Variants in MYRIP observed in about 807,000 individuals in gnomAD.
The protein encoded by MYRIP is myosin VIIA and Rab interacting protein.
Under a neutral mutation model 98.0 loss-of-function variants are expected in MYRIP, and 49 were observed. The observed-to-expected ratio is 0.50, with a 90% CI of 0.40 to 0.63. The LOEUF is 0.63. Ranked by LOEUF, MYRIP falls within the 30% of genes least tolerant of loss-of-function variation. MYRIP has a pLI of 0.00. For missense variants in MYRIP, 1,004 were observed against 1,058.2 expected, an observed-to-expected ratio of 0.95 and a Z score of 0.71; for synonymous variants, 404 against 409.5, an observed-to-expected ratio of 0.99 and a Z score of 0.16.
At chr3:39,849,500 G>A (rs1942063322) in intron 1 of MYRIP, among the ~76,000 whole-genome samples, 1 of 152,314 alleles carries the variant, frequency 6.6e-6, no homozygotes, top group East Asian at 1.9e-4. Flanking sequence ...GGGAGACAGA[G>A]GTCCAGCCTT....
intron 1 of MYRIP, among the ~76,000 whole-genome samples, chr3:39,855,921 C>A (rs1942275268): frequency 6.6e-6 from 1 of 152,206 alleles, no homozygotes; most frequent in African/African-American, 2.4e-5. Flanking sequence ...ATTCTGCTGG[C>A]TGCCTTCTTG....
At chr3:40,216,208 G>T (rs1338583072) in intron 11 of MYRIP, among the ~76,000 whole-genome samples, 1 of 152,210 alleles carries the variant, frequency 6.6e-6, no homozygotes, top group Non-Finnish European at 1.5e-5. Context: ...AGCCACAGCA[G>T]TAGAATGAGA....
At chr3:40,177,982 A>G (rs1175295229) in intron 8 of MYRIP, among the ~76,000 whole-genome samples, 2 of 152,048 alleles carry the variant, frequency 1.3e-5, no homozygotes, top group African/African-American at 4.8e-5. Flanking sequence ...ACTTTTTGTC[A>G]TTGCTATAAT....
intron 3 of MYRIP, among the ~76,000 whole-genome samples, chr3:40,143,243 T>G (rs144591600): frequency 2.0e-5 from 3 of 152,206 alleles, no homozygotes; most frequent in Non-Finnish European, 4.4e-5. Flanking sequence ...AATGAGTCCA[T>G]GCACAGACGC....
At chr3:40,156,583 C>A (rs1204511808) in intron 4 of MYRIP, among the ~76,000 whole-genome samples, 3 of 151,914 alleles carry the variant, frequency 2.0e-5, no homozygotes, top group Admixed American at 6.6e-5. Flanking sequence ...TTACCTTGGG[C>A]AGTATGGCCA....
intron 12 of MYRIP, among the ~76,000 whole-genome samples, chr3:40,243,979 CAGAG>C (rs1953105933): frequency 6.6e-6 from 1 of 152,146 alleles, no homozygotes; most frequent in Admixed American, 6.5e-5. Flanking sequence ...GCTAATTAAT[CAGAG>C]AGAATTCACT....
intron 1 of MYRIP, among the ~76,000 whole-genome samples, chr3:39,889,990 T>A (rs1050240442): frequency 2.6e-5 from 4 of 152,116 alleles, no homozygotes; most frequent in African/African-American, 9.6e-5. Flanking sequence ...AATCTAAAAT[T>A]TTTTTTAAAA....
intron 2 of MYRIP, among the ~76,000 whole-genome samples, chr3:39,957,202 C>A (rs1321998443): frequency 6.6e-6 from 1 of 151,746 alleles, no homozygotes; most frequent in Non-Finnish European, 1.5e-5. Flanking sequence ...ATCCTGATAC[C>A]AAAGCCTGAC....
chr3:40,189,898 G>A lies in MYRIP; in HGVS notation c.1100G>A (p.Arg367Gln), dbSNP rs1229944003. 3 of 1,614,146 alleles carry A rather than the reference G, an allele frequency of 1.9e-6. No homozygotes were observed. Among genetic ancestry groups the A allele is most frequent in the South Asian group, 1.1e-5 (1 of 91,080 alleles). Reference protein sequence around the residue: ...ALKDGAPPPTRLLAKPKSGTF... With the variant: ...ALKDGAPPPTQLLAKPKSGTF... The stretch of plus-strand genomic sequence containing the variant: ...AAGGATGGCGCTCCACCCCCCACCC[G>A]ACTACTGGCCAAACCTAAGAGCGGG... Residue 367 changes from arginine (R) to glutamine (Q), a missense_variant, in exon 10 of 17, where the codon CGA becomes CAA. Physicochemically the swap from Arg to Gln is conservative, Grantham distance 43. Transcript: ENST00000302541.
At chr3:40,166,480 G>A (rs1950502333) in intron 5 of MYRIP, among the ~76,000 whole-genome samples, 1 of 152,138 alleles carries the variant, frequency 6.6e-6, no homozygotes, top group Admixed American at 6.5e-5. Context: ...CCCAGAACCT[G>A]GGACAGACCT....
chr3:40,168,671 A>G (rs1434176188), intron 7 of MYRIP, among the ~76,000 whole-genome samples: 1 of 152,240 alleles, frequency 6.6e-6, no homozygotes, highest in Non-Finnish European at 1.5e-5. Context: ...CTGAGGGCAC[A>G]TCAGCTGCCT....
chr3:40,124,589 CTAT>C (rs1445925463), intron 3 of MYRIP, among the ~76,000 whole-genome samples: 1 of 152,176 alleles, frequency 6.6e-6, no homozygotes, highest in African/African-American at 2.4e-5. Context: ...TTTTGGTTCT[CTAT>C]TTGAGGCTTC....
At chr3:40,208,947 CTTATG>C (rs1951849782) in intron 10 of MYRIP, 2 of 152,194 alleles carry the variant, frequency 1.3e-5, no homozygotes, top group Admixed American at 1.3e-4. Context: ...GGAATGAGTT[CTTATG>C]TTAGATAGCA....
chr3:40,229,743 G>C (rs1002829021), intron 11 of MYRIP, among the ~76,000 whole-genome samples: 1 of 152,150 alleles, frequency 6.6e-6, no homozygotes, highest in Non-Finnish European at 1.5e-5. Flanking sequence ...TGACCTTGTA[G>C]ATTTGGTGTT....
At chr3:40,184,062 T>A (rs968764818) in intron 9 of MYRIP, among the ~76,000 whole-genome samples, 2 of 152,240 alleles carry the variant, frequency 1.3e-5, no homozygotes, top group South Asian at 2.1e-4. Flanking sequence ...TGATCGTTTC[T>A]TTACTTATGT....
At chr3:40,124,221 G>A (rs376871716) in intron 3 of MYRIP, among the ~76,000 whole-genome samples, 7 of 152,266 alleles carry the variant, frequency 4.6e-5, no homozygotes, top group East Asian at 1.9e-4. Context: ...ATGGAAAGAC[G>A]CTTCCATCAA....
At chr3:39,954,718 A>G (rs150823719) in intron 2 of MYRIP, among the ~76,000 whole-genome samples, 1 of 152,266 alleles carries the variant, frequency 6.6e-6, no homozygotes, top group East Asian at 1.9e-4. Context: ...GTAATAACAA[A>G]CTTCTCCAAG....
rs1209840139 is a variant in MYRIP, at chr3:39,887,321, G to A, written c.-30-13466G>A. ...AAACACATTCAAAAGCTAGCAGAAG[G>A]CAAGAAATAACTAAAATCAGAGCAG... On this transcript the variant is annotated intron_variant, in intron 1 of 16. Coordinates refer to ENST00000302541, the MANE Select transcript of MYRIP (RefSeq NM_015460.4). Among the ~76,000 whole-genome samples, 1,359 of 151,620 alleles carry A rather than the reference G, an allele frequency of 9.0e-3. 23 individuals are homozygous for A. Among genetic ancestry groups the A allele is most frequent in the African/African-American group, 0.031 (1,284 of 41,260 alleles).
chr3:40,084,210 A>G (rs1948550243), intron 3 of MYRIP, among the ~76,000 whole-genome samples: 1 of 146,896 alleles, frequency 6.8e-6, no homozygotes, highest in Non-Finnish European at 1.5e-5. Context: ...ATTGGCATAA[A>G]TATTATATAT....
Sources: gnomAD v4.1 joint callset for allele counts (sites outside exome capture counted in the v4.1 genomes callset) on GRCh38, gnomAD v4.1.1 for gene constraint, MANE v1.5 for transcripts, NCBI Gene and HGNC (gene_info 2026-07-23, HGNC 2026-07-21) for gene names.